Variants in PDE8B observed in about 807,000 individuals in gnomAD.
The protein encoded by PDE8B is high affinity cAMP-specific and IBMX-insensitive 3',5'-cyclic phosphodiesterase 8B.
Under a neutral mutation model 101.3 loss-of-function variants are expected in PDE8B, and 26 were observed. The ratio of observed to expected loss-of-function variants is 0.26; its 90% CI spans 0.19 to 0.36. PDE8B has a LOEUF of 0.36. PDE8B is among the 10% of genes least tolerant of loss of function. The pLI is 1.00. For missense variants in PDE8B, 810 were observed against 1,163.1 expected (o/e 0.70, Z 4.42); for synonymous variants, 424 against 429.3 (o/e 0.99, Z 0.15).
At chr5:77,367,017 C>T (rs1784263348) in intron 10 of PDE8B, among the ~76,000 whole-genome samples, 1 of 152,074 alleles carries the variant, frequency 6.6e-6, no homozygotes, top group Non-Finnish European at 1.5e-5. Context: ...TGGGGCCTCT[C>T]AACTCATTAG....
At chr5:77,409,181 C>G (rs1794065475) in intron 14 of PDE8B, 124 bp downstream of exon 14, 2 of 766,498 alleles carry the variant, frequency 2.6e-6, no homozygotes, top group Non-Finnish European at 4.5e-6. Flanking sequence ...GTTAGCATAA[C>G]CAGAAGCAAC....
At chr5:77,403,278 C>T (rs917318020) in intron 11 of PDE8B, among the ~76,000 whole-genome samples, 20 of 152,034 alleles carry the variant, frequency 1.3e-4, no homozygotes, top group African/African-American at 4.8e-4. Flanking sequence ...TTTGCCTGCC[C>T]CCACCACCCT....
At chr5:77,378,456 TAAAAAAAAAAAA>T (rs58121927) in intron 10 of PDE8B, among the ~76,000 whole-genome samples, 4 of 69,352 alleles carry the variant, frequency 5.8e-5, no homozygotes, top group East Asian at 5.4e-4. Flanking sequence ...AGACTCCATC[TAAAAAAAAAAAA>T]AAAAAAAAAA....
chr5:77,220,000 G>A (rs1308227913), intron 1 of PDE8B, among the ~76,000 whole-genome samples: 1 of 152,164 alleles, frequency 6.6e-6, no homozygotes, highest in Non-Finnish European at 1.5e-5. Context: ...ACCTGCTCTA[G>A]GAAGTGTTGC....
At chr5:77,152,411 A>G in the PDE8B span, among the ~76,000 whole-genome samples, 3 of 152,170 alleles carry the variant, frequency 2.0e-5, no homozygotes, top group African/African-American at 7.2e-5. Context: ...CGCTGATTCT[A>G]TCTTAGATTA....
In PDE8B at chr5:77,404,693, C is replaced by G. The variant is rs1165405436; in HGVS notation, c.1211-27C>G. On this transcript the variant is annotated intron_variant, in intron 11 of 21. Coordinates refer to ENST00000264917, the MANE Select transcript of PDE8B (RefSeq NM_003719.5). The stretch of plus-strand genomic sequence containing the variant: ...TGTGAATACACGGAAAACTAATCAC[C>G]TTCCCTTTCTAATCTGAAATCCTTA... 1.9e-5 allele frequency: 25 copies of G among 1,329,424 alleles called. No individual in the cohort carries two copies. The East Asian group carries it at 5.5e-4, about 29-fold the overall frequency. 82.4% of individuals were successfully genotyped at this position (1,329,424 alleles called of 1,614,324 possible). A position where few individuals can be genotyped will look rare whatever the true frequency, so the allele number is the denominator to read the frequency against.
chr5:77,302,071 A>G (rs1405837130), intron 1 of PDE8B, among the ~76,000 whole-genome samples: 3 of 152,144 alleles, frequency 2.0e-5, no homozygotes, highest in Non-Finnish European at 4.4e-5. Flanking sequence ...TGTAGATGAC[A>G]TGACTATGTT....
At chr5:77,339,943 T>C (rs1778904713) in intron 6 of PDE8B, among the ~76,000 whole-genome samples, 1 of 152,150 alleles carries the variant, frequency 6.6e-6, no homozygotes, top group Non-Finnish European at 1.5e-5. Context: ...AAATCACATA[T>C]CTGTATGCCT....
At chr5:77,125,768 C>T in the PDE8B span, among the ~76,000 whole-genome samples, 1 of 151,988 alleles carries the variant, frequency 6.6e-6, no homozygotes, top group African/African-American at 2.4e-5. Flanking sequence ...TTCATGGAGA[C>T]AGAAAGTAAA....
At chr5:77,227,271 T>C (rs1170514073) in intron 1 of PDE8B, among the ~76,000 whole-genome samples, 1 of 152,220 alleles carries the variant, frequency 6.6e-6, no homozygotes, top group Non-Finnish European at 1.5e-5. Context: ...TGCTTTCTTA[T>C]GTTCAATATA....
chr5:77,245,707 T>C (rs1234906877), intron 1 of PDE8B, among the ~76,000 whole-genome samples: 1 of 152,216 alleles, frequency 6.6e-6, no homozygotes, highest in Non-Finnish European at 1.5e-5. Flanking sequence ...AGATATATTA[T>C]TATCCTCATT....
the PDE8B span, chr5:77,145,340 G>C: frequency 6.6e-6 from 1 of 152,162 alleles, no homozygotes; most frequent in African/African-American, 2.4e-5. Flanking sequence ...AAACAAAAAG[G>C]AATCAAAGAT....
At chr5:77,254,871 A>G (rs1169472138) in intron 1 of PDE8B, among the ~76,000 whole-genome samples, 2 of 152,188 alleles carry the variant, frequency 1.3e-5, no homozygotes, top group Non-Finnish European at 2.9e-5. Context: ...TGCTCTCTGT[A>G]GCCTTAGGGG....
chr5:77,193,909 T>G, the PDE8B span, among the ~76,000 whole-genome samples: 5 of 152,330 alleles, frequency 3.3e-5, no homozygotes, highest in East Asian at 9.6e-4. Flanking sequence ...TTATTGTAAG[T>G]AGTATTTTGT....
chr5:77,223,421 G>A (rs990324771), intron 1 of PDE8B, among the ~76,000 whole-genome samples: 1 of 123,458 alleles, frequency 8.1e-6, no homozygotes, highest in Admixed American at 1.1e-4. Context: ...TTGGAACTAA[G>A]TTCTTAAAGT....
At chr5:77,150,970 G>A in the PDE8B span, among the ~76,000 whole-genome samples, 4 of 152,232 alleles carry the variant, frequency 2.6e-5, no homozygotes. Context: ...GCAAAACAGA[G>A]ACCAGCAGGT....
chr5:77,379,077 A>G (rs1338773109), intron 10 of PDE8B, among the ~76,000 whole-genome samples: 1 of 152,236 alleles, frequency 6.6e-6, no homozygotes, highest in African/African-American at 2.4e-5. Context: ...TCACTGGGCT[A>G]AACAATGACA....
At chr5:77,383,626 A>C (rs1376404536) in intron 10 of PDE8B, among the ~76,000 whole-genome samples, 5 of 152,182 alleles carry the variant, frequency 3.3e-5, no homozygotes, top group Admixed American at 2.0e-4. Context: ...CTTACATTTA[A>C]GTCTTTAATC....
intron 1 of PDE8B, among the ~76,000 whole-genome samples, chr5:77,231,719 A>G (rs1390326768): frequency 2.6e-5 from 4 of 152,334 alleles, no homozygotes; most frequent in South Asian, 2.1e-4. Flanking sequence ...GTGAGCATAG[A>G]TAAGGAAAGA....
Sources: allele counts gnomAD v4.1 joint callset (sites outside exome capture counted in the v4.1 genomes callset), GRCh38; gene constraint gnomAD v4.1.1; transcripts MANE v1.5; gene names NCBI Gene and HGNC (gene_info 2026-07-23, HGNC 2026-07-21).